The following ADORA1 variants were observed in gnomAD, a reference collection of about 807,000 sequenced individuals.
The protein encoded by ADORA1 is adenosine A1 receptor.
A neutral mutation model predicts 19.9 loss-of-function variants in ADORA1; 6 were observed. The observed-to-expected ratio is 0.30, with a 90% CI of 0.17 to 0.59. The LOEUF is 0.59. ADORA1 is among the 20% of genes least tolerant of loss of function. ADORA1 has a pLI of 0.87. For synonymous variants in ADORA1, 194 were observed against 188.4 expected (o/e 1.03, Z -0.24); for missense variants, 302 against 439.2 (o/e 0.69, Z 2.79).
chr1:203,161,322 C>A (rs1049950369), intron 3 of ADORA1, among the ~76,000 whole-genome samples: 1 of 152,172 alleles, frequency 6.6e-6, no homozygotes, highest in Non-Finnish European at 1.5e-5. Context: ...AAATAACACA[C>A]AGGTGGGCGT....
In ADORA1 at chr1:203,165,379, C is replaced by G; in HGVS notation, c.460C>G (p.Arg154Gly). The change falls in exon 4 of 4, where the codon CGG (arginine) becomes GGG (glycine). Residue 154 changes from arginine (R) to glycine (G), a missense_variant. Coordinates refer to ENST00000337894, the MANE Select transcript of ADORA1 (RefSeq NM_000674.3). The surrounding 1 kb of genome is among the most constrained non-coding windows in gnomAD (Gnocchi z 5.9). ...FGWNNLSAVE[R>G]AWAANGSMGE... ...CTGGAACAATCTGAGTGCGGTGGAGCGGGCCTGGGCAGCCAACGGCAGCAT... is the reference window on the plus strand; with the variant it reads ...CTGGAACAATCTGAGTGCGGTGGAGGGGGCCTGGGCAGCCAACGGCAGCAT... 1 of 1,601,378 alleles carries G rather than the reference C, an allele frequency of 6.2e-7. No individual in the cohort carries two copies. Among genetic ancestry groups the G allele is most frequent in the African/African-American group, 1.3e-5 (1 of 74,920 alleles).
intron 3 of ADORA1, among the ~76,000 whole-genome samples, chr1:203,147,140 G>A (rs1278093396): frequency 6.6e-6 from 1 of 152,226 alleles, no homozygotes; most frequent in African/African-American, 2.4e-5. Flanking sequence ...CACCTGTAAA[G>A]TGGCAACCAC....
At chr1:203,151,239 A>G (rs539839137) in intron 3 of ADORA1, among the ~76,000 whole-genome samples, 4 of 152,310 alleles carry the variant, frequency 2.6e-5, no homozygotes, top group Admixed American at 2.6e-4. Context: ...CCACTTCCCC[A>G]GTGGAGCTTT....
chr1:203,152,235 G>A (rs181813934), intron 3 of ADORA1, among the ~76,000 whole-genome samples: 1 of 152,218 alleles, frequency 6.6e-6, no homozygotes, highest in Non-Finnish European at 1.5e-5. Context: ...CCACAATGAG[G>A]TATTCCAAGG....
chr1:203,151,231 A>T (rs1213482013), intron 3 of ADORA1, among the ~76,000 whole-genome samples: 1 of 152,194 alleles, frequency 6.6e-6, no homozygotes, highest in East Asian at 1.9e-4. Context: ...CTCCCTGGCC[A>T]CTTCCCCAGT....
In ADORA1 at chr1:203,138,272, G is replaced by C. The variant is rs115491374; in HGVS notation, c.341+9090G>C. ...GGCGTGTCTAACAGACATCTCAGTG[G>C]AATGTTGAGCAGGTGGTTGGATATA... On this transcript the variant is annotated intron_variant, in intron 3 of 3. Transcript: ENST00000337894. Among the ~76,000 whole-genome samples the C allele has an allele frequency of 7.7e-3, 1,179 of 152,288 alleles. 10 individuals are homozygous for C. The highest frequency in any genetic ancestry group is 0.027 in the African/African-American group (1,105 of 41,532).
At chr1:203,131,171 A>T (rs532937337) in intron 3 of ADORA1, among the ~76,000 whole-genome samples, 4 of 152,220 alleles carry the variant, frequency 2.6e-5, no homozygotes, top group Admixed American at 6.5e-5. Flanking sequence ...CACTATTAAC[A>T]TATGGCTCAA....
chr1:203,132,918 C>T (rs1654386973), intron 3 of ADORA1, among the ~76,000 whole-genome samples: 1 of 152,076 alleles, frequency 6.6e-6, no homozygotes, highest in African/African-American at 2.4e-5. Context: ...CCTTTCAGCT[C>T]TAATTCTGTG....
rs1459824643 is a variant in ADORA1 at position 203,152,279 on chromosome 1, C to T, written c.342-12982C>T. ...CCCTTCTTTGGGGGTCCAGCATGGG[C>T]CCCCTCTGCTCTCCTGAGCCTGCAG... is the stretch of plus-strand genomic sequence containing the variant. On this transcript the variant is annotated intron_variant, in intron 3 of 3. Coordinates refer to ENST00000337894, the MANE Select transcript of ADORA1 (RefSeq NM_000674.3). Among the ~76,000 whole-genome samples, 3 of 152,224 alleles carry T rather than the reference C, an allele frequency of 2.0e-5. No individual in the cohort carries two copies. In the East Asian group the frequency reaches 5.8e-4, roughly 29 times the overall value.
intron 3 of ADORA1, among the ~76,000 whole-genome samples, chr1:203,144,121 C>CACACACACACAG (rs1395290337): frequency 2.0e-5 from 3 of 147,642 alleles, no homozygotes; most frequent in Admixed American, 2.0e-4. Flanking sequence ...CACACACACA[C>CACACACACACAG]AGCTGTTCCT....
chr1:203,131,387 T>C (rs972462197), intron 3 of ADORA1, among the ~76,000 whole-genome samples: 4 of 152,228 alleles, frequency 2.6e-5, no homozygotes, highest in Non-Finnish European at 5.9e-5. Flanking sequence ...CCACATCTTA[T>C]CTATTTCTGC....
chr1:203,131,821 G>A (rs1023739403), intron 3 of ADORA1, among the ~76,000 whole-genome samples: 1 of 152,222 alleles, frequency 6.6e-6, no homozygotes, highest in South Asian at 2.1e-4. Context: ...GCTGGAGTCA[G>A]CAGGCTGCTG....
chr1:203,140,973 G>A lies in ADORA1; in HGVS notation c.341+11791G>A, dbSNP rs867201857. 5.3e-5 allele frequency among the ~76,000 whole-genome samples: 8 copies of A among 152,348 alleles called. No individual in the cohort carries two copies. The South Asian group carries it at 1.7e-3, about 32-fold the overall frequency. ...AATGCAGCCAGTGGTCTGCATTGTG[G>A]ATTGTGTTAACTCGTGCACAGTGGT... On this transcript the variant is annotated intron_variant, in intron 3 of 3. Transcript: ENST00000337894.
At chr1:203,154,568 A>G (rs6688884) in intron 3 of ADORA1, among the ~76,000 whole-genome samples, 115,082 of 152,088 alleles carry the variant, frequency 0.76, 45,080 homozygotes, top group Non-Finnish European at 0.86. Flanking sequence ...AGCCGCACCC[A>G]TGGTGGGCTT....
At position 203,165,307 on chromosome 1, in the gene ADORA1, G is replaced by A. The variant is rs201168369; in HGVS notation, c.388G>A (p.Gly130Ser). 18 of 1,568,502 alleles carry A rather than the reference G, an allele frequency of 1.1e-5. No homozygotes were observed. The Middle Eastern group carries it at 6.9e-4, about 60-fold the overall frequency. Residue 130 changes from glycine (G) to serine (S), a missense_variant, in exon 4 of 4, where the codon GGC becomes AGC. Gly to Ser is a moderately conservative substitution (Grantham distance 56). Coordinates refer to ENST00000337894, the MANE Select transcript of ADORA1 (RefSeq NM_000674.3). This position sits in a 1 kb window ranked among gnomAD's most constrained non-coding sequence, Gnocchi z 5.9. Reference protein sequence around the residue: ...TPRRAAVAIAGCWILSFVVGL... With the variant: ...TPRRAAVAIASCWILSFVVGL... ...CCGGAGGGCGGCGGTGGCCATAGCC[G>A]GCTGCTGGATCCTCTCCTTCGTGGT...
intron 3 of ADORA1, among the ~76,000 whole-genome samples, chr1:203,134,839 C>A (rs1654455384): frequency 6.6e-6 from 1 of 152,204 alleles, no homozygotes; most frequent in African/African-American, 2.4e-5. Flanking sequence ...ATATTGAGAA[C>A]ATCTATATAT....
rs75499550 is a variant in ADORA1 at position 203,142,091 on chromosome 1, C to A, written c.341+12909C>A. ...TGCTTCCATTTCCTCTTCTGTAAAGCAGGATTCGTAATACCTCCTTCCTAG... is the reference window on the plus strand; with the variant it reads ...TGCTTCCATTTCCTCTTCTGTAAAGAAGGATTCGTAATACCTCCTTCCTAG... On this transcript the variant is annotated intron_variant, in intron 3 of 3. Coordinates refer to ENST00000337894, the MANE Select transcript of ADORA1 (RefSeq NM_000674.3). Among the ~76,000 whole-genome samples, 873 of 152,306 alleles carry A rather than the reference C, an allele frequency of 5.7e-3. 6 individuals carry two copies. Among genetic ancestry groups the A allele is most frequent in the African/African-American group, 0.02 (832 of 41,564 alleles).
intron 3 of ADORA1, among the ~76,000 whole-genome samples, chr1:203,147,653 C>G (rs1654899456): frequency 6.6e-6 from 1 of 152,102 alleles, no homozygotes; most frequent in Admixed American, 6.6e-5. Flanking sequence ...TAAAAGGACC[C>G]CAGACGATTC....
chr1:203,143,641 A>G (rs1654768533), intron 3 of ADORA1, among the ~76,000 whole-genome samples: 1 of 152,022 alleles, frequency 6.6e-6, no homozygotes, highest in African/African-American at 2.4e-5. Context: ...CCTTTCCTTC[A>G]GTTCTGCTTG....
Sources: allele counts gnomAD v4.1 joint callset (sites outside exome capture counted in the v4.1 genomes callset), GRCh38; gene constraint gnomAD v4.1.1; non-coding constraint Gnocchi (gnomAD v3.1); transcripts MANE v1.5; gene names NCBI Gene and HGNC (gene_info 2026-07-23, HGNC 2026-07-21).